ADRA2B: variants seen among roughly 807,000 people sequenced by gnomAD.
ADRA2B encodes alpha-2B adrenergic receptor.
ADRA2B carries 14 observed loss-of-function variants against 14.4 expected under a neutral mutation model. The observed-to-expected ratio is 0.97, with a 90% CI of 0.64 to 1.52. The LOEUF (loss-of-function observed/expected upper bound fraction) is 1.52. ADRA2B is among the 40% of genes most tolerant of loss of function. The pLI, the probability that ADRA2B is intolerant of heterozygous loss-of-function variation, is 0.00. For missense variants in ADRA2B, 606 were observed against 603.2 expected, an observed-to-expected ratio of 1.00 and a Z score of -0.05; for synonymous variants, 250 against 263.7, an observed-to-expected ratio of 0.95 and a Z score of 0.50.
rs1681876677 is a variant in ADRA2B at position 96,116,507 on chromosome 2, G to A, written c.-358C>T. On this transcript the variant is annotated 5_prime_UTR_variant, in exon 1 of 1. Transcript: ENST00000620793. ...CCGGGCTGGGCCGGTTCTTAAAGGA[G>A]GCGCGGAGGACCTTGCGCCCGCTCA... is the stretch of plus-strand genomic sequence containing the variant. Among the ~76,000 whole-genome samples the A allele has an allele frequency of 6.6e-6, 1 of 151,920 alleles. No homozygotes were observed. The highest frequency in any genetic ancestry group is 2.4e-5 in the African/African-American group (1 of 41,358).
chr2:96,114,293 G>C lies in ADRA2B; in HGVS notation c.*504C>G, dbSNP rs896353880. 1 of 991,478 alleles carries C rather than the reference G, an allele frequency of 1.0e-6. No homozygotes were observed. The highest frequency in any genetic ancestry group is 1.7e-5 in the African/African-American group (1 of 57,268). 61.4% of individuals were successfully genotyped at this position (991,478 alleles called of 1,614,324 possible). ...CCAGGGACCGCGAGTGCCTAGCGTGGGTGATCAGTCTTCGTTTCTTCCTCC... is the reference window on the plus strand; with the variant it reads ...CCAGGGACCGCGAGTGCCTAGCGTGCGTGATCAGTCTTCGTTTCTTCCTCC... On this transcript the variant is annotated 3_prime_UTR_variant, in exon 1 of 1. Transcript: ENST00000620793.
chr2:96,114,876 A>C lies in ADRA2B; in HGVS notation c.1274T>G (p.Ile425Ser). Residue 425 changes from isoleucine (I) to serine (S), a missense_variant, in exon 1 of 1, where the codon ATC becomes AGC. Transcript: ENST00000620793. ...GYCNSSLNPV[I>S]YTIFNQDFRR... Reference sequence around the variant, plus strand: ...GAAGTCCTGGTTGAAGATGGTGTAGATAACAGGGTTCAGTGAGCTGTTGCA... The same window carrying C: ...GAAGTCCTGGTTGAAGATGGTGTAGCTAACAGGGTTCAGTGAGCTGTTGCA... The C allele has an allele frequency of 6.2e-7, 1 of 1,614,034 alleles. No homozygotes were observed. Among genetic ancestry groups the C allele is most frequent in the Non-Finnish European group, 8.5e-7 (1 of 1,179,988 alleles).
At position 96,114,777 on chromosome 2, in the gene ADRA2B, C is replaced by T. The variant is rs1383948248; in HGVS notation, c.*20G>A. The stretch of plus-strand genomic sequence containing the variant: ...CCCCGGCGCCACCGCACCAACCCCA[C>T]AGGGGCAGCGCAGGCGGGCTCACCA... On this transcript the variant is annotated 3_prime_UTR_variant, in exon 1 of 1. Transcript: ENST00000620793. 4 of 1,603,010 alleles carry T rather than the reference C, an allele frequency of 2.5e-6. No individual in the cohort carries two copies. Among genetic ancestry groups the T allele is most frequent in the East Asian group, 2.2e-5 (1 of 44,672 alleles).
rs1483699980 is a variant in ADRA2B at position 96,113,038 on chromosome 2, C to T, written c.*1759G>A. On this transcript the variant is annotated 3_prime_UTR_variant, in exon 1 of 1. Transcript: ENST00000620793. ...GGGTCACAGTCAGTCCCTCTCCTGG[C>T]CCAGCTCCCCACCACATCCCAGGGC... The T allele has an allele frequency of 1.0e-5, 4 of 398,096 alleles. No individual in the cohort carries two copies. Among genetic ancestry groups the T allele is most frequent in the Non-Finnish European group, 1.8e-5 (4 of 225,894 alleles). 24.7% of individuals were successfully genotyped at this position (398,096 alleles called of 1,614,324 possible).
Position 96,114,391 on chromosome 2 carries a change from A to C in ADRA2B, c.*406T>G. 2 of 1,002,740 alleles carry C rather than the reference A, an allele frequency of 2.0e-6. No homozygotes were observed. The highest frequency in any genetic ancestry group is 2.4e-6 in the Non-Finnish European group (2 of 839,998). The allele number at this position is 1,002,740 out of a possible 1,614,324, so 62.1% of individuals were successfully genotyped here. ...CTCTTTGTGGGTGGGGGGGAGATGAAAAAGAAACGAAAACACCACAAGCAA... is the reference window on the plus strand; with the variant it reads ...CTCTTTGTGGGTGGGGGGGAGATGACAAAGAAACGAAAACACCACAAGCAA... On this transcript the variant is annotated 3_prime_UTR_variant, in exon 1 of 1. Coordinates refer to ENST00000620793, the MANE Select transcript of ADRA2B (RefSeq NM_000682.7).
rs1398392261 is a variant in ADRA2B at position 96,116,177 on chromosome 2, C to G, written c.-28G>C. ...CGGGGCGGGAGGTGGGCAGAGGGAG[C>G]GCTGCCCGCCCAGTGCGCACCGTGG... On this transcript the variant is annotated 5_prime_UTR_variant, in exon 1 of 1. Transcript: ENST00000620793. 1 of 1,577,986 alleles carries G rather than the reference C, an allele frequency of 6.3e-7. No homozygotes were observed. The highest frequency in any genetic ancestry group is 1.1e-5 in the South Asian group (1 of 87,942).
chr2:96,116,224 G>A lies in ADRA2B; in HGVS notation c.-75C>T. 7.3e-7 allele frequency: 1 copy of A among 1,376,504 alleles called. No individual in the cohort carries two copies. The highest frequency in any genetic ancestry group is 1.0e-6 in the Non-Finnish European group (1 of 988,102). 85.3% of individuals were successfully genotyped at this position (1,376,504 alleles called of 1,614,324 possible). On this transcript the variant is annotated 5_prime_UTR_variant, in exon 1 of 1. Coordinates refer to ENST00000620793, the MANE Select transcript of ADRA2B (RefSeq NM_000682.7). ...GTGGACGACAGCGCTGCCCGGCTCG[G>A]CTAGACAAGAGCGTCGCCCCTCGGG...
rs1020932616 is a variant in ADRA2B at position 96,115,247 on chromosome 2, T to C, written c.903A>G (p.Glu301=). The C allele has an allele frequency of 1.3e-4, 99 of 737,140 alleles. 1 individual carries two copies. The highest frequency in any genetic ancestry group is 7.0e-4 in the Admixed American group (17 of 24,186). 45.7% of individuals were successfully genotyped at this position (737,140 alleles called of 1,614,324 possible). ...ASPEDEAEEE[E]EEEEEEEECE... ...ACTCTTCCTCCTCCTCCTCCTCCTC[T>C]TCCTCCTCTTCAGCTTCATCCTCTG... The change falls in exon 1 of 1, where the codon GAA becomes GAG. Residue 301 remains glutamate (E), a synonymous_variant. Transcript: ENST00000620793.
rs1174668710 is a variant in ADRA2B, at chr2:96,115,096, T to TA, written c.1053dup (p.Ile352TyrfsTer192). 1.2e-6 allele frequency: 2 copies of TA among 1,612,252 alleles called. No homozygotes were observed. Among genetic ancestry groups the TA allele is most frequent in the Non-Finnish European group, 8.5e-7 (1 of 1,179,340 alleles). ...CGTCGACGCCACCACTGCCCACCTA[T>TA]AGCACCCACGCCCCTGCCCAGGAGC... On this transcript the variant is annotated frameshift_variant, in exon 1 of 1. Transcript: ENST00000620793. LOFTEE classifies it high-confidence loss of function.
rs369199441 is a variant in ADRA2B at position 96,115,992 on chromosome 2, G to A, written c.158C>T (p.Ser53Leu). Residue 53 changes from serine (S) to leucine (L), a missense_variant, in exon 1 of 1, where the codon TCG (serine) becomes TTG (leucine). Coordinates refer to ENST00000620793, the MANE Select transcript of ADRA2B (RefSeq NM_000682.7). ...LRAPQNLFLV[S>L]LAAADILVAT... is the part of the protein sequence containing the mutation. ...CACCAGGATGTCGGCGGCGGCCAGC[G>A]ACACCAGGAACAGGTTCTGAGGGGC... The A allele has an allele frequency of 4.3e-6, 7 of 1,613,652 alleles. No individual in the cohort carries two copies. Among genetic ancestry groups the A allele is most frequent in the Non-Finnish European group, 5.1e-6 (6 of 1,179,862 alleles).
At position 96,115,979 on chromosome 2, in the gene ADRA2B, G is replaced by T; in HGVS notation, c.171C>A (p.Ala57=). Reference sequence around the variant, plus strand: ...TGATGAGCGTGGCCACCAGGATGTCGGCGGCGGCCAGCGACACCAGGAACA... The same window carrying T: ...TGATGAGCGTGGCCACCAGGATGTCTGCGGCGGCCAGCGACACCAGGAACA... The part of the protein sequence containing the change: ...QNLFLVSLAA[A]DILVATLIIP... Residue 57 remains alanine (A), a synonymous_variant, in exon 1 of 1, where the codon GCC becomes GCA. Coordinates refer to ENST00000620793, the MANE Select transcript of ADRA2B (RefSeq NM_000682.7). 2.5e-6 allele frequency: 4 copies of T among 1,613,694 alleles called. No homozygotes were observed. The highest frequency in any genetic ancestry group is 2.2e-5 in the South Asian group (2 of 91,082).
At position 96,114,747 on chromosome 2, in the gene ADRA2B, G is replaced by T; in HGVS notation, c.*50C>A. ...CCACACACAGCAGGGCAAGAAGCAG[G>T]GTGACCCCGGCGCCACCGCACCAAC... On this transcript the variant is annotated 3_prime_UTR_variant, in exon 1 of 1. Coordinates refer to ENST00000620793, the MANE Select transcript of ADRA2B (RefSeq NM_000682.7). 1 of 1,553,430 alleles carries T rather than the reference G, an allele frequency of 6.4e-7. No individual in the cohort carries two copies. The highest frequency in any genetic ancestry group is 8.7e-7 in the Non-Finnish European group (1 of 1,149,846).
Position 96,115,854 on chromosome 2 carries a change from GACGAGGTGCAGAAGAGC to G in ADRA2B, c.279_295del (p.Leu94HisfsTer118). On this transcript the variant is annotated frameshift_variant, in exon 1 of 1. Coordinates refer to ENST00000620793, the MANE Select transcript of ADRA2B (RefSeq NM_000682.7). LOFTEE classifies it low-confidence loss of function (END_TRUNC). ...GCTGATGGCGCACAGGTGCACGATGGACGAGGTGCAGAAGAGCACGTCGAGCGCCAGGTACACCTCGC... is the reference window on the plus strand; with the variant it reads ...GCTGATGGCGCACAGGTGCACGATGGACGTCGAGCGCCAGGTACACCTCGC... 6.2e-7 allele frequency: 1 copy of G among 1,613,456 alleles called. No homozygotes were observed. The highest frequency in any genetic ancestry group is 8.5e-7 in the Non-Finnish European group (1 of 1,179,708).
chr2:96,115,811 G>A lies in ADRA2B; in HGVS notation c.339C>T (p.Ala113=), dbSNP rs372554591. ...LCAISLDRYW[A]VSRALEYNSK... ...AGTTGTACTCCAGCGCGCGGCTCACGGCCCAGTAGCGGTCCAGGCTGATGG... is the reference window on the plus strand; with the variant it reads ...AGTTGTACTCCAGCGCGCGGCTCACAGCCCAGTAGCGGTCCAGGCTGATGG... The change falls in exon 1 of 1, where the codon GCC becomes GCT. Residue 113 remains alanine (A), a synonymous_variant. Coordinates refer to ENST00000620793, the MANE Select transcript of ADRA2B (RefSeq NM_000682.7). 1.2e-6 allele frequency: 2 copies of A among 1,613,234 alleles called. No individual in the cohort carries two copies. Among genetic ancestry groups the A allele is most frequent in the African/African-American group, 1.3e-5 (1 of 74,936 alleles).
chr2:96,116,100 G>A lies in ADRA2B; in HGVS notation c.50C>T (p.Ala17Val), dbSNP rs1681868543. 6.2e-7 allele frequency: 1 copy of A among 1,611,720 alleles called. No individual in the cohort carries two copies. The highest frequency in any genetic ancestry group is 1.3e-5 in the African/African-American group (1 of 74,920). The change falls in exon 1 of 1, where the codon GCG (alanine) becomes GTG (valine). Residue 17 changes from alanine (A) to valine (V), a missense_variant. Physicochemically the swap from Ala to Val is moderately conservative, Grantham distance 64. Transcript: ENST00000620793. Reference sequence around the variant, plus strand: ...AAAGAGAATGAGGAAGGTGATGGCCGCCGCTATGGCCGCTGTGGCCTGCAC... The same window carrying A: ...AAAGAGAATGAGGAAGGTGATGGCCACCGCTATGGCCGCTGTGGCCTGCAC... ...YSVQATAAIA[A>V]AITFLILFTI...
Position 96,113,294 on chromosome 2 carries a change from T to A in ADRA2B, c.*1503A>T, listed in dbSNP as rs1303578967. On this transcript the variant is annotated 3_prime_UTR_variant, in exon 1 of 1. Transcript: ENST00000620793. ...TCCAAGGGAAGGCCGATAAACCTCC[T>A]TTCCACACTTCCAACTGTTCTGGGT... is the stretch of plus-strand genomic sequence containing the variant. 1 of 396,462 alleles carries A rather than the reference T, an allele frequency of 2.5e-6. No individual in the cohort carries two copies. Among genetic ancestry groups the A allele is most frequent in the African/African-American group, 2.1e-5 (1 of 48,582 alleles). The allele number at this position is 396,462 out of a possible 1,614,324, so 24.6% of individuals were successfully genotyped here. A position where few individuals can be genotyped will look rare whatever the true frequency, so the allele number is the denominator to read the frequency against.
Position 96,114,846 on chromosome 2 carries a change from C to T in ADRA2B, c.1304G>A (p.Arg435His), listed in dbSNP as rs771910033. The T allele has an allele frequency of 5.6e-6, 9 of 1,613,856 alleles. No individual in the cohort carries two copies. The highest frequency in any genetic ancestry group is 2.2e-5 in the East Asian group (1 of 44,878). The change falls in exon 1 of 1, where the codon CGT becomes CAT. Residue 435 changes from arginine to histidine, a missense_variant. Coordinates refer to ENST00000620793, the MANE Select transcript of ADRA2B (RefSeq NM_000682.7). ...IYTIFNQDFR[R>H]AFRRILCRPW... is the part of the protein sequence containing the mutation. ...GCGGCACAGGATCCTCCGGAAGGCA[C>T]GGCGGAAGTCCTGGTTGAAGATGGT...
chr2:96,114,953 C>G lies in ADRA2B; in HGVS notation c.1197G>C (p.Lys399Asn). ...AGAGGCCATGGGGCACCTTGCAGTG[C>G]TTCGGGCAGATGGCTCCCAGGCTGT... The part of the protein sequence containing the change: ...FSYSLGAICP[K>N]HCKVPHGLFQ... Residue 399 changes from lysine (K) to asparagine (N), a missense_variant, in exon 1 of 1, where the codon AAG becomes AAC. Physicochemically the swap from Lys to Asn is moderately conservative, Grantham distance 94. Transcript: ENST00000620793. 6.2e-7 allele frequency: 1 copy of G among 1,613,600 alleles called. No individual in the cohort carries two copies. The highest frequency in any genetic ancestry group is 1.1e-5 in the South Asian group (1 of 91,028).
In ADRA2B at chr2:96,114,991, AGG is replaced by A; in HGVS notation, c.1157_1158del (p.Pro386LeufsTer157). The part of the protein sequence containing the change: ...VIGVFVLCWF[P>X]FFFSYSLGAI... ...GCTCCCAGGCTGTAGCTGAAGAAGA[AGG>A]GGAACCAGCAGAGCACAAAAACGCC... On this transcript the variant is annotated frameshift_variant, in exon 1 of 1. Transcript: ENST00000620793. LOFTEE classifies it high-confidence loss of function. 6.2e-7 allele frequency: 1 copy of A among 1,613,578 alleles called. No individual in the cohort carries two copies. Among genetic ancestry groups the A allele is most frequent in the Non-Finnish European group, 8.5e-7 (1 of 1,179,694 alleles).
Sources: gnomAD v4.1 joint callset for allele counts (sites outside exome capture counted in the v4.1 genomes callset) on GRCh38, gnomAD v4.1.1 for gene constraint, MANE v1.5 for transcripts, NCBI Gene and HGNC (gene_info 2026-07-23, HGNC 2026-07-21) for gene names.